TMC5: variants seen among roughly 807,000 people sequenced by gnomAD.
The protein encoded by TMC5 is transmembrane channel like 5.
TMC5 carries 86 observed loss-of-function variants against 110.5 expected under a neutral mutation model. The observed-to-expected ratio is 0.78, with a 90% confidence interval of 0.65 to 0.93. The LOEUF (loss-of-function observed/expected upper bound fraction) is 0.93, where lower values mean the gene tolerates loss of function less well. TMC5 is among the 40% of genes least tolerant of loss of function. TMC5 has a pLI of 0.00. For missense variants in TMC5, 1,144 were observed against 1,222.8 expected, an observed-to-expected ratio of 0.94 and a Z score of 0.96; for synonymous variants, 455 against 439.5, an observed-to-expected ratio of 1.04 and a Z score of -0.44.
Position 19,474,280 on chromosome 16 carries a change from G to A in TMC5, c.2090+4G>A, listed in dbSNP as rs1454975152. 1.9e-6 allele frequency: 3 copies of A among 1,613,428 alleles called. No homozygotes were observed. Among genetic ancestry groups the A allele is most frequent in the African/African-American group, 1.3e-5 (1 of 74,902 alleles). On this transcript the variant is annotated splice_donor_region_variant and intron_variant, in intron 12 of 21. Transcript: ENST00000542583. ...AAGTCTACGTTCTCCTGATCCGGTAGGTGATGTGTCGCGCCCAACACCAGC... is the reference window on the plus strand; with the variant it reads ...AAGTCTACGTTCTCCTGATCCGGTAAGTGATGTGTCGCGCCCAACACCAGC...
chr16:19,413,184 G>A (rs1480239006), upstream of TMC5, among the ~76,000 whole-genome samples: 1 of 152,080 alleles, frequency 6.6e-6, no homozygotes, highest in African/African-American at 2.4e-5. Context: ...ACCTGTCAAA[G>A]TTTTGGAGAG....
chr16:19,420,305 G>A (rs1215586751), intron 1 of TMC5, among the ~76,000 whole-genome samples: 1 of 152,086 alleles, frequency 6.6e-6, no homozygotes, highest in Non-Finnish European at 1.5e-5. Flanking sequence ...GCACACACCT[G>A]TAGTCTCAGC....
At chr16:19,417,652 TTAA>T (rs1334920431), upstream of TMC5, 1 of 152,028 alleles carries the variant, frequency 6.6e-6, no homozygotes, top group Non-Finnish European at 1.5e-5. Flanking sequence ...CAAAAGAATA[TTAA>T]TGAGAGGGAG....
chr16:19,467,087 A>C (rs1279533539), intron 9 of TMC5, among the ~76,000 whole-genome samples: 8 of 152,114 alleles, frequency 5.3e-5, no homozygotes, highest in Admixed American at 5.2e-4. Context: ...TCGAGGCTGC[A>C]GTGAGCTGAG....
chr16:19,414,895 C>T (rs1207871972), upstream of TMC5, among the ~76,000 whole-genome samples: 1 of 151,756 alleles, frequency 6.6e-6, no homozygotes, highest in Non-Finnish European at 1.5e-5. Context: ...AAAAGAGAAA[C>T]TAGGTGGGCA....
At position 19,490,581 on chromosome 16, in the gene TMC5, C is replaced by A; in HGVS notation, c.2747+13C>A. The A allele has an allele frequency of 1.2e-6, 2 of 1,613,766 alleles. No homozygotes were observed. Among genetic ancestry groups the A allele is most frequent in the Non-Finnish European group, 1.7e-6 (2 of 1,179,808 alleles). ...CCCTCATTGTGCTGTGAGTGTGGTA[C>A]CCGGGGAATCTAGCAGGGAAAGCCA... On this transcript the variant is annotated intron_variant, in intron 18 of 21. Transcript: ENST00000542583.
intron 2 of TMC5, among the ~76,000 whole-genome samples, chr16:19,436,704 A>C (rs79866967): frequency 1.3e-5 from 2 of 152,210 alleles, no homozygotes; most frequent in African/African-American, 4.8e-5. Flanking sequence ...TAATGACTCA[A>C]GTATCCAGCT....
chr16:19,428,605 AC>A (rs1255492158), intron 1 of TMC5, among the ~76,000 whole-genome samples: 20 of 152,128 alleles, frequency 1.3e-4, no homozygotes, highest in Admixed American at 1.3e-3. Context: ...TTAGGTGATG[AC>A]TTTCAAGCGA....
chr16:19,422,094 G>A (rs1438138189), intron 1 of TMC5, among the ~76,000 whole-genome samples: 1 of 152,076 alleles, frequency 6.6e-6, no homozygotes, highest in African/African-American at 2.4e-5. Context: ...AGCTGGGCAT[G>A]GTGGCACATG....
Position 19,472,194 on chromosome 16 carries a change from C to T in TMC5, c.1889C>T (p.Ala630Val). The change falls in exon 11 of 22, where the codon GCC becomes GTC. Residue 630 changes from alanine (A) to valine (V), a missense_variant. Transcript: ENST00000542583. The stretch of plus-strand genomic sequence containing the variant: ...GCCTGGGTTGTCTCTACAGGAGTGG[C>T]CATAGCCTGCTGTGCAGCCGTTTAT... ...MVAWVVSTGVAIACCAAVYYL... is the reference protein window; with the variant it reads ...MVAWVVSTGVVIACCAAVYYL... The T allele has an allele frequency of 1.2e-6, 2 of 1,614,150 alleles. No homozygotes were observed. The highest frequency in any genetic ancestry group is 1.7e-6 in the Non-Finnish European group (2 of 1,180,028).
intron 5 of TMC5, among the ~76,000 whole-genome samples, chr16:19,455,678 A>T (rs112803234): frequency 1.3e-5 from 2 of 152,190 alleles, no homozygotes; most frequent in African/African-American, 4.8e-5. Context: ...TGGAAGCCAC[A>T]AGTCTCATTG....
At chr16:19,474,017 C>T (rs889454445) in intron 11 of TMC5, 108 bp from the exon 12 acceptor site, 32 of 1,047,142 alleles carry the variant, frequency 3.1e-5, no homozygotes, top group Middle Eastern at 3.3e-4. Context: ...AATAGTTAAC[C>T]GCAGAGGAGC....
chr16:19,438,437 G>GAAAGAAAGAAAGAAAGAAAGAA (rs2143455100), intron 2 of TMC5, among the ~76,000 whole-genome samples: 1 of 144,270 alleles, frequency 6.9e-6, no homozygotes, highest in Admixed American at 6.9e-5. Flanking sequence ...GAAAGAAAGA[G>GAAAGAAAGAAAGAAAGAAAGAA]AAAGAAAGAA....
intron 1 of TMC5, chr16:19,411,600 C>T (rs888567766): frequency 2.0e-5 from 3 of 152,352 alleles, no homozygotes; most frequent in Non-Finnish European, 4.4e-5. Context: ...GGGTTTGCCA[C>T]TTCTGGGATC....
intron 9 of TMC5, among the ~76,000 whole-genome samples, chr16:19,468,238 G>A (rs938742489): frequency 3.9e-5 from 6 of 152,124 alleles, no homozygotes; most frequent in African/African-American, 1.4e-4. Flanking sequence ...GCCTCCCAAA[G>A]TTCTGGGATT....
intron 15 of TMC5, 86 bp downstream of exon 15, chr16:19,481,551 TGTTTTTAAA>T: frequency 9.8e-7 from 1 of 1,024,340 alleles, no homozygotes; most frequent in Non-Finnish European, 1.6e-6. Flanking sequence ...CAGAATCTGT[TGTTTTTAAA>T]GCTGCAGGGG....
chr16:19,424,466 C>T (rs1424957839), intron 1 of TMC5, among the ~76,000 whole-genome samples: 2 of 152,036 alleles, frequency 1.3e-5, no homozygotes, highest in African/African-American at 4.8e-5. Context: ...GCCTGGGCAA[C>T]ATGGCAGAAA....
intron 8 of TMC5, among the ~76,000 whole-genome samples, chr16:19,465,031 CTTTCTTTCTTTCTTTCT>C (rs1968131051): frequency 1.7e-5 from 2 of 120,512 alleles, no homozygotes; most frequent in African/African-American, 6.6e-5. Context: ...TTCTTTCTTT[CTTTCTTTCTTTCTTTCT>C]TTCTTTCTTT....
Position 19,466,116 on chromosome 16 carries a change from T to C in TMC5, c.1520T>C (p.Phe507Ser). Residue 507 changes from phenylalanine to serine, a missense_variant, in exon 9 of 22, where the codon TTT becomes TCT. Physicochemically the swap from Phe to Ser is radical, Grantham distance 155. Transcript: ENST00000542583. ...AGGGACACAGTGATGTACTATGGCTTTTACACCAATTCCACCATCCAGCAC... is the reference window on the plus strand; with the variant it reads ...AGGGACACAGTGATGTACTATGGCTCTTACACCAATTCCACCATCCAGCAC... ...YFRDTVMYYG[F>S]YTNSTIQHGN... The C allele has an allele frequency of 1.2e-6, 2 of 1,614,112 alleles. No homozygotes were observed. The highest frequency in any genetic ancestry group is 1.7e-6 in the Non-Finnish European group (2 of 1,180,024).
Sources: allele counts gnomAD v4.1 joint callset (sites outside exome capture counted in the v4.1 genomes callset), GRCh38; gene constraint gnomAD v4.1.1; transcripts MANE v1.5; gene names NCBI Gene and HGNC (gene_info 2026-07-23, HGNC 2026-07-21).